The following GRM8 variants were observed in gnomAD, a reference collection of about 807,000 sequenced individuals.
GRM8 encodes glutamate metabotropic receptor 8.
GRM8 carries 47 observed loss-of-function variants against 87.2 expected under a neutral mutation model. That is an observed-to-expected ratio of 0.54 (90% CI 0.43 to 0.69). The LOEUF is 0.69. Ranked by LOEUF, GRM8 falls within the 30% of genes least tolerant of loss-of-function variation. GRM8 has a pLI of 0.00. For missense variants in GRM8, 1,019 were observed against 1,139.2 expected (o/e 0.89, Z 1.52); for synonymous variants, 396 against 404.5 (o/e 0.98, Z 0.25).
intron 6 of GRM8, among the ~76,000 whole-genome samples, chr7:126,842,513 C>T (rs977843118): frequency 6.6e-6 from 1 of 152,112 alleles, no homozygotes; most frequent in African/African-American, 2.4e-5. Context: ...CTCCCTTGAA[C>T]GTGTGAATGT....
intron 2 of GRM8, among the ~76,000 whole-genome samples, chr7:127,203,141 T>C (rs555520806): frequency 3.3e-5 from 5 of 152,346 alleles, no homozygotes; most frequent in African/African-American, 1.2e-4. Context: ...CAACCATTTA[T>C]GGATAGGTAA....
chr7:126,527,315 G>A (rs1019063734), intron 9 of GRM8, among the ~76,000 whole-genome samples: 11 of 152,104 alleles, frequency 7.2e-5, no homozygotes, highest in Admixed American at 2.0e-4. Flanking sequence ...CCAAGATGGC[G>A]CCACTGCACT....
At chr7:126,737,474 G>A (rs1340861330) in intron 7 of GRM8, among the ~76,000 whole-genome samples, 1 of 151,852 alleles carries the variant, frequency 6.6e-6, no homozygotes. Context: ...CCAGTCTCCC[G>A]CACAGCCAGC....
chr7:126,878,018 G>A lies in GRM8; in HGVS notation c.1156+24524C>T. The stretch of plus-strand genomic sequence containing the variant: ...AACATTGGACAAATTAAGGTCTCAG[G>A]ACAGGAGGTCACGGAGTGATGAGCC... On this transcript the variant is annotated intron_variant, in intron 6 of 10. Coordinates refer to ENST00000339582, the MANE Select transcript of GRM8 (RefSeq NM_000845.3). 1.3e-5 allele frequency among the ~76,000 whole-genome samples: 2 copies of A among 152,096 alleles called. 1 individual carries two copies. The highest frequency in any genetic ancestry group is 3.9e-4 in the East Asian group (2 of 5,184).
intron 7 of GRM8, among the ~76,000 whole-genome samples, chr7:126,694,700 G>A (rs150178819): frequency 3.3e-5 from 5 of 152,218 alleles, no homozygotes; most frequent in African/African-American, 1.2e-4. Flanking sequence ...TTTCTCCTCT[G>A]GGTTCTGCTT....
intron 7 of GRM8, among the ~76,000 whole-genome samples, chr7:126,687,061 CAT>C (rs1472799295): frequency 2.0e-5 from 3 of 152,178 alleles, no homozygotes; most frequent in East Asian, 1.9e-4. Context: ...AACCAAACCA[CAT>C]GTCTCAGTGA....
intron 8 of GRM8, among the ~76,000 whole-genome samples, chr7:126,549,531 T>C (rs1385175473): frequency 6.6e-6 from 1 of 152,190 alleles, no homozygotes; most frequent in Non-Finnish European, 1.5e-5. Flanking sequence ...GAAAAGTTAT[T>C]ATTTAATTTC....
chr7:127,056,495 T>C (rs1484234073), intron 3 of GRM8, among the ~76,000 whole-genome samples: 1 of 152,152 alleles, frequency 6.6e-6, no homozygotes, highest in Non-Finnish European at 1.5e-5. Context: ...GTCAATGTCT[T>C]AAAAGTGTCA....
chr7:126,545,880 T>A (rs9641798), intron 8 of GRM8, among the ~76,000 whole-genome samples: 51,210 of 152,050 alleles, frequency 0.34, 8,964 homozygotes, highest in East Asian at 0.44. Flanking sequence ...ATGCAGAAAC[T>A]AAGATAATTC....
At chr7:127,106,821 C>T (rs568946859) in intron 2 of GRM8, 109 bp from the exon 3 acceptor site, 5 of 744,316 alleles carry the variant, frequency 6.7e-6, no homozygotes, top group South Asian at 1.6e-5. Context: ...GACATATCAA[C>T]CTGAAGCCAA....
chr7:126,725,480 T>TCC (rs1812858469), intron 7 of GRM8, among the ~76,000 whole-genome samples: 1 of 152,148 alleles, frequency 6.6e-6, no homozygotes. Context: ...TCCAATCTGG[T>TCC]CCACTCCTAC....
At chr7:127,226,935 C>T (rs569270051) in intron 2 of GRM8, among the ~76,000 whole-genome samples, 1 of 152,072 alleles carries the variant, frequency 6.6e-6, no homozygotes, top group Non-Finnish European at 1.5e-5. Flanking sequence ...CACTGGCACA[C>T]AAAGCTAGTG....
chr7:127,074,320 T>C (rs1822037103), intron 3 of GRM8, among the ~76,000 whole-genome samples: 1 of 152,182 alleles, frequency 6.6e-6, no homozygotes, highest in South Asian at 2.1e-4. Context: ...ATAGTCAATG[T>C]TTTACATTTC....
At chr7:126,875,876 A>G (rs1334767240) in intron 6 of GRM8, among the ~76,000 whole-genome samples, 2 of 152,138 alleles carry the variant, frequency 1.3e-5, no homozygotes, top group Non-Finnish European at 2.9e-5. Flanking sequence ...GTGCTCTGGT[A>G]CAAAAATGCC....
intron 6 of GRM8, among the ~76,000 whole-genome samples, chr7:126,832,700 T>A (rs1795510002): frequency 6.6e-6 from 1 of 152,188 alleles, no homozygotes; most frequent in South Asian, 2.1e-4. Flanking sequence ...CACATGACTA[T>A]CCTTCTCAAC....
chr7:127,093,050 C>T (rs879565918), intron 3 of GRM8, among the ~76,000 whole-genome samples: 2 of 152,200 alleles, frequency 1.3e-5, no homozygotes, highest in African/African-American at 4.8e-5. Context: ...GCCACAGACA[C>T]CTCAAGTGAA....
At chr7:126,534,531 G>T (rs1815377324) in intron 8 of GRM8, among the ~76,000 whole-genome samples, 1 of 151,678 alleles carries the variant, frequency 6.6e-6, no homozygotes, top group Non-Finnish European at 1.5e-5. Flanking sequence ...TGATGGTAAT[G>T]TTTTTTTTAC....
chr7:126,553,933 CA>C (rs1792865889), intron 8 of GRM8, among the ~76,000 whole-genome samples: 2 of 152,074 alleles, frequency 1.3e-5, no homozygotes, highest in South Asian at 4.1e-4. Flanking sequence ...CACCAAATTG[CA>C]AAAGATACAA....
At chr7:126,640,047 GA>G (rs1343764825) in intron 7 of GRM8, among the ~76,000 whole-genome samples, 2 of 152,128 alleles carry the variant, frequency 1.3e-5, no homozygotes, top group African/African-American at 4.8e-5. Context: ...CACATAACCA[GA>G]ACACACAGAC....
Sources: gnomAD v4.1 joint callset for allele counts (sites outside exome capture counted in the v4.1 genomes callset) on GRCh38, gnomAD v4.1.1 for gene constraint, MANE v1.5 for transcripts, NCBI Gene and HGNC (gene_info 2026-07-23, HGNC 2026-07-21) for gene names.